SUGCT: variants seen among roughly 807,000 people sequenced by gnomAD.
The protein encoded by SUGCT is succinyl-CoA:glutarate CoA-transferase.
Under a neutral mutation model 55.0 loss-of-function variants are expected in SUGCT, and 41 were observed. That is an observed-to-expected ratio of 0.74 (90% CI 0.58 to 0.97). The LOEUF is 0.97. Among genes scored for constraint, SUGCT ranks in the 50% least tolerant of loss-of-function variants. The pLI is 0.00. For synonymous variants in SUGCT, 187 were observed against 200.4 expected (o/e 0.93, Z 0.56); for missense variants, 568 against 547.8 (o/e 1.04, Z -0.37).
intron 12 of SUGCT, among the ~76,000 whole-genome samples, chr7:40,721,297 C>T (rs1175338219): frequency 3.3e-5 from 5 of 152,158 alleles, no homozygotes; most frequent in African/African-American, 1.2e-4. Context: ...CCATTTTATA[C>T]TATGCCTCAT....
At chr7:40,905,756 C>G in the SUGCT span, among the ~76,000 whole-genome samples, 1 of 149,470 alleles carries the variant, frequency 6.7e-6, no homozygotes, top group Non-Finnish European at 1.5e-5. Flanking sequence ...CACTTTGTTA[C>G]TCAGGCTGGA....
intron 12 of SUGCT, among the ~76,000 whole-genome samples, chr7:40,567,901 G>A (rs1248980380): frequency 4.6e-5 from 7 of 152,208 alleles, no homozygotes; most frequent in African/African-American, 1.7e-4. Flanking sequence ...TTGCTGTTAT[G>A]TGGAATCTCT....
intron 6 of SUGCT, among the ~76,000 whole-genome samples, chr7:40,229,818 A>C (rs1217891021): frequency 1.3e-5 from 2 of 151,766 alleles, no homozygotes; most frequent in Non-Finnish European, 2.9e-5. Flanking sequence ...GTCTCAAAAA[A>C]AAAAAAAAAA....
chr7:40,432,740 T>C (rs1423727103), intron 9 of SUGCT, among the ~76,000 whole-genome samples: 2 of 151,974 alleles, frequency 1.3e-5, no homozygotes, highest in Non-Finnish European at 2.9e-5. Flanking sequence ...TGTCTTGGTC[T>C]TTGGACAATT....
rs146266693 is a variant in SUGCT, at chr7:40,182,860, A to G, written c.226+832A>G. On this transcript the variant is annotated intron_variant, in intron 3 of 13. Coordinates refer to ENST00000335693, the MANE Select transcript of SUGCT (RefSeq NM_001193313.2). ...CTTTAGCATTGAGACTGAGATTACA[A>G]TGGGCCTGGCCACCCTCCCTCACCG... is the stretch of plus-strand genomic sequence containing the variant. Among the ~76,000 whole-genome samples, 84 of 152,280 alleles carry G rather than the reference A, an allele frequency of 5.5e-4. 1 individual carries two copies. The highest frequency in any genetic ancestry group is 1.9e-3 in the African/African-American group (80 of 41,580).
At position 40,809,321 on chromosome 7, in the gene SUGCT, G is replaced by A. The variant is rs138681061; in HGVS notation, c.1154-50995G>A. Among the ~76,000 whole-genome samples, 330 of 152,136 alleles carry A rather than the reference G, an allele frequency of 2.2e-3. 3 individuals are homozygous for A. The highest frequency in any genetic ancestry group is 7.4e-3 in the African/African-American group (308 of 41,488). ...TTCTGAAGTAAACTTTACAATATCT[G>A]TTATTTTTTACCATATATGCCAATG... On this transcript the variant is annotated intron_variant, in intron 13 of 13. Transcript: ENST00000335693.
rs192339357 is a variant in SUGCT, at chr7:40,150,404, C to T, written c.100+15284C>T. ...GCTCGCTGGGCCGGGCACGGTGGCT[C>T]ACGCCTGTAATCCCAGCACTTTGGG... On this transcript the variant is annotated intron_variant, in intron 1 of 13. Transcript: ENST00000335693. 3.9e-5 allele frequency among the ~76,000 whole-genome samples: 6 copies of T among 152,274 alleles called. No homozygotes were observed. The East Asian group carries it at 7.7e-4, about 20-fold the overall frequency.
At chr7:40,527,092 T>G (rs1182503815) in intron 12 of SUGCT, among the ~76,000 whole-genome samples, 1 of 152,238 alleles carries the variant, frequency 6.6e-6, no homozygotes, top group Non-Finnish European at 1.5e-5. Context: ...TTCAGTATCT[T>G]TGTAATGAAA....
At chr7:40,445,316 A>G (rs563093892) in intron 9 of SUGCT, among the ~76,000 whole-genome samples, 35 of 152,324 alleles carry the variant, frequency 2.3e-4, no homozygotes, top group South Asian at 4.1e-4. Context: ...TAAAGGGGAT[A>G]TCACCACTGA....
intron 9 of SUGCT, among the ~76,000 whole-genome samples, chr7:40,438,354 G>T (rs1285906807): frequency 2.0e-5 from 3 of 152,068 alleles, no homozygotes; most frequent in South Asian, 2.1e-4. Context: ...TGATCATGAA[G>T]TTCTTTAGTT....
chr7:40,741,807 G>A (rs1339956554), intron 12 of SUGCT, among the ~76,000 whole-genome samples: 1 of 152,158 alleles, frequency 6.6e-6, no homozygotes, highest in East Asian at 1.9e-4. Flanking sequence ...ACAATGTTAT[G>A]AGAAAAAGCA....
rs576827402 is a variant in SUGCT at position 40,643,536 on chromosome 7, A to G, written c.1090-105898A>G. Among the ~76,000 whole-genome samples the G allele has an allele frequency of 5.3e-5, 8 of 152,350 alleles. 1 individual carries two copies. The South Asian group carries it at 1.7e-3, about 32-fold the overall frequency. On this transcript the variant is annotated intron_variant, in intron 12 of 13. Transcript: ENST00000335693. ...TTACGTTTTTGTCCCATTCAACAAGAACACCTCTGTCTTTTGTTTTGTATC... is the reference window on the plus strand; with the variant it reads ...TTACGTTTTTGTCCCATTCAACAAGGACACCTCTGTCTTTTGTTTTGTATC...
chr7:40,320,264 C>G (rs550432152), intron 9 of SUGCT, among the ~76,000 whole-genome samples: 1 of 150,930 alleles, frequency 6.6e-6, no homozygotes, highest in African/African-American at 2.4e-5. Flanking sequence ...AACAAAAACG[C>G]CTGGCTGGTT....
intron 12 of SUGCT, among the ~76,000 whole-genome samples, chr7:40,604,859 T>G (rs1798450283): frequency 6.6e-6 from 1 of 152,190 alleles, no homozygotes; most frequent in Admixed American, 6.5e-5. Context: ...CACTAACACC[T>G]CATTGTGAGT....
Position 40,572,187 on chromosome 7 carries a change from A to G in SUGCT, c.1089+75801A>G, listed in dbSNP as rs182217708. On this transcript the variant is annotated intron_variant, in intron 12 of 13. Transcript: ENST00000335693. ...TATGAGACACTGGCTTTCCAGGAGG[A>G]AAGCTCCTGGAAATTTACACCAGGC... Among the ~76,000 whole-genome samples, 347 of 152,154 alleles carry G rather than the reference A, an allele frequency of 2.3e-3. 5 individuals carry two copies. The highest frequency in any genetic ancestry group is 8.2e-3 in the African/African-American group (339 of 41,508).
chr7:40,988,394 C>T, the SUGCT span, among the ~76,000 whole-genome samples: 1 of 151,326 alleles, frequency 6.6e-6, no homozygotes, highest in Non-Finnish European at 1.5e-5. Context: ...AGCAGATTCT[C>T]CTTCTAATGC....
chr7:40,620,946 A>AT (rs1397878251), intron 12 of SUGCT, among the ~76,000 whole-genome samples: 1 of 152,084 alleles, frequency 6.6e-6, no homozygotes, highest in Non-Finnish European at 1.5e-5. Context: ...ATTCAGATCT[A>AT]TTTTTTGTAT....
At chr7:40,850,013 G>T (rs1406199620) in intron 13 of SUGCT, among the ~76,000 whole-genome samples, 2 of 152,060 alleles carry the variant, frequency 1.3e-5, no homozygotes, top group Non-Finnish European at 1.5e-5. Context: ...AAAACAGGAG[G>T]TAATAACAAG....
At chr7:40,810,226 A>C (rs1035921100) in intron 13 of SUGCT, among the ~76,000 whole-genome samples, 66 of 152,140 alleles carry the variant, frequency 4.3e-4, no homozygotes, top group African/African-American at 1.5e-3. Context: ...CCCAGGCCCA[A>C]GCAATCCTCC....
Sources: allele counts gnomAD v4.1 joint callset (sites outside exome capture counted in the v4.1 genomes callset), GRCh38; gene constraint gnomAD v4.1.1; transcripts MANE v1.5; gene names NCBI Gene and HGNC (gene_info 2026-07-23, HGNC 2026-07-21).